The following PLPP1 variants were observed in gnomAD, a reference collection of about 807,000 sequenced individuals.
PLPP1 encodes the protein phospholipid phosphatase 1.
In PLPP1, 24 loss-of-function variants were observed where a neutral mutation model predicts 31.2. That is an observed-to-expected ratio of 0.77 (90% CI 0.56 to 1.08). The LOEUF is 1.08. Ranked by LOEUF, PLPP1 falls within the 50% of genes least tolerant of loss-of-function variation. PLPP1 has a pLI of 0.00. For synonymous variants in PLPP1, 146 were observed against 126.3 expected (o/e 1.16, Z -1.05); for missense variants, 319 against 342.7 (o/e 0.93, Z 0.55).
intron 2 of PLPP1, 43 bp downstream of exon 2, chr5:55,475,256 A>C (rs1267433069): frequency 2.0e-6 from 3 of 1,538,302 alleles, no homozygotes; most frequent in Non-Finnish European, 2.6e-6. Context: ...AATTAAGCCA[A>C]GTGCCCAAAA....
chr5:55,498,509 ACATGCCCTG>A (rs1753050507), intron 1 of PLPP1, among the ~76,000 whole-genome samples: 1 of 152,202 alleles, frequency 6.6e-6, no homozygotes, highest in Admixed American at 6.6e-5. Context: ...CCACCTAATA[ACATGCCCTG>A]CATAATCTTG....
At chr5:55,504,601 G>T (rs1210528867) in intron 1 of PLPP1, among the ~76,000 whole-genome samples, 6 of 149,866 alleles carry the variant, frequency 4.0e-5, no homozygotes, top group African/African-American at 7.4e-5. Flanking sequence ...TTGTTGCCAT[G>T]CAGGGCAACA....
At chr5:55,510,016 G>A (rs955277601) in intron 1 of PLPP1, among the ~76,000 whole-genome samples, 2 of 152,204 alleles carry the variant, frequency 1.3e-5, no homozygotes, top group African/African-American at 4.8e-5. Context: ...GGGAGAGACA[G>A]CTGATTTTTT....
chr5:55,446,550 G>A (rs759289305), intron 3 of PLPP1, among the ~76,000 whole-genome samples: 1 of 151,996 alleles, frequency 6.6e-6, no homozygotes, highest in Non-Finnish European at 1.5e-5. Context: ...ACTGTCTCAG[G>A]GTAGCTTGTT....
In PLPP1 at chr5:55,475,376, T is replaced by C. The variant is rs1267691645; in HGVS notation, c.133A>G (p.Ile45Val). The change falls in exon 2 of 6, where the codon ATC (isoleucine) becomes GTC (valine). Residue 45 changes from isoleucine to valine, a missense_variant. Physicochemically the swap from Ile to Val is conservative, Grantham distance 29 (BLOSUM62 3). Transcript: ENST00000307259. ...QRGVFCNDES[I>V]KYPYKEDTIP... is the part of the protein sequence containing the mutation. ...GTGTCTTCTTTGTAAGGGTACTTGA[T>C]GGACTCATCATTACAGAATACTCCT... 2.5e-6 allele frequency: 4 copies of C among 1,612,382 alleles called. No homozygotes were observed. The highest frequency in any genetic ancestry group is 2.5e-6 in the Non-Finnish European group (3 of 1,178,730).
At chr5:55,449,495 G>A (rs767517954) in intron 3 of PLPP1, among the ~76,000 whole-genome samples, 1 of 152,074 alleles carries the variant, frequency 6.6e-6, no homozygotes, top group Non-Finnish European at 1.5e-5. Flanking sequence ...AGAGTTTCTT[G>A]GCTAAAAGTG....
At chr5:55,445,963 A>C (rs1751756170) in intron 3 of PLPP1, among the ~76,000 whole-genome samples, 9 of 152,138 alleles carry the variant, frequency 5.9e-5, no homozygotes, top group Admixed American at 5.9e-4. Context: ...TGCTGTTAAA[A>C]TATAAGCCAT....
At chr5:55,444,741 T>TGTGTGTGTGTGTGTGTGTGTGTGTGTG (rs1554037408) in intron 3 of PLPP1, among the ~76,000 whole-genome samples, 1 of 6,956 alleles carries the variant, frequency 1.4e-4, no homozygotes, top group Non-Finnish European at 6.3e-4. Context: ...TGGGATTCTA[T>TGTGTGTGTGTGTGTGTGTGTGTGTGTG]TTTGTGTGTG....
At chr5:55,507,820 T>C (rs1048622860) in intron 1 of PLPP1, among the ~76,000 whole-genome samples, 9 of 151,840 alleles carry the variant, frequency 5.9e-5, no homozygotes, top group African/African-American at 2.2e-4. Flanking sequence ...CTGATGATTT[T>C]TTTAGTCCAC....
chr5:55,425,283 T>C lies in PLPP1; in HGVS notation c.778A>G (p.Lys260Glu), dbSNP rs577255506. 7 of 1,611,806 alleles carry C rather than the reference T, an allele frequency of 4.3e-6. No homozygotes were observed. The East Asian group carries it at 1.3e-4, about 31-fold the overall frequency. The change falls in exon 6 of 6, where the codon AAA (lysine) becomes GAA (glutamate). Residue 260 changes from lysine to glutamate, a missense_variant. Transcript: ENST00000307259. ...AGAGTTGTATGAGAGTCCTCCTCTT[T>C]TCTTTCTTTAAAAGAAGTTCTTTCT... ...FKERTSFKERKEEDSHTTLHE... is the reference protein window; with the variant it reads ...FKERTSFKEREEEDSHTTLHE...
chr5:55,498,118 G>A (rs1753041943), intron 1 of PLPP1, among the ~76,000 whole-genome samples: 1 of 152,004 alleles, frequency 6.6e-6, no homozygotes, highest in Non-Finnish European at 1.5e-5. Flanking sequence ...TTAACAAAGG[G>A]GCTATTTATA....
At chr5:55,425,513 A>G (rs1751159410) in intron 5 of PLPP1, 179 bp from the exon 6 acceptor site, 1 of 583,312 alleles carries the variant, frequency 1.7e-6, no homozygotes, top group Non-Finnish European at 2.7e-6. Context: ...CCAAATTAAG[A>G]GTTGCTTTGT....
intron 4 of PLPP1, among the ~76,000 whole-genome samples, chr5:55,428,915 G>A (rs184038980): frequency 2.2e-4 from 33 of 152,130 alleles, no homozygotes; most frequent in East Asian, 9.7e-4. Context: ...AGACAGGCTC[G>A]GCAGCAACAT....
At chr5:55,523,455 T>C (rs1753716934) in intron 1 of PLPP1, among the ~76,000 whole-genome samples, 1 of 152,130 alleles carries the variant, frequency 6.6e-6, no homozygotes, top group Admixed American at 6.5e-5. Context: ...CACTTCCCAA[T>C]TCCTGACTAT....
In PLPP1 at chr5:55,475,381, T is replaced by G. The variant is rs1389520097; in HGVS notation, c.128A>C (p.Glu43Ala). The stretch of plus-strand genomic sequence containing the variant: ...TTCTTTGTAAGGGTACTTGATGGAC[T>G]CATCATTACAGAATACTCCTCGTTG... ...PFQRGVFCNDESIKYPYKEDT... is the reference protein window; with the variant it reads ...PFQRGVFCNDASIKYPYKEDT... Residue 43 changes from glutamate (E) to alanine (A), a missense_variant, in exon 2 of 6, where the codon GAG (glutamate) becomes GCG (alanine). Physicochemically the swap from Glu to Ala is moderately radical, Grantham distance 107. Coordinates refer to ENST00000307259, the MANE Select transcript of PLPP1 (RefSeq NM_003711.4). 1 of 1,612,258 alleles carries G rather than the reference T, an allele frequency of 6.2e-7. No individual in the cohort carries two copies. Among genetic ancestry groups the G allele is most frequent in the Non-Finnish European group, 8.5e-7 (1 of 1,178,636 alleles).
At chr5:55,436,432 CG>C (rs1751494999) in intron 4 of PLPP1, among the ~76,000 whole-genome samples, 1 of 152,194 alleles carries the variant, frequency 6.6e-6, no homozygotes, top group Non-Finnish European at 1.5e-5. Context: ...CCGCCATCCA[CG>C]TAAGATGTAA....
At chr5:55,427,024 A>ACTT (rs1751216751) in intron 4 of PLPP1, among the ~76,000 whole-genome samples, 1 of 151,796 alleles carries the variant, frequency 6.6e-6, no homozygotes, top group Admixed American at 6.6e-5. Flanking sequence ...TCTGCCTTTG[A>ACTT]CTTTGGGTGC....
At position 55,503,806 on chromosome 5, in the gene PLPP1, G is replaced by C. The variant is rs544317303; in HGVS notation, c.59-28356C>G. Reference sequence around the variant, plus strand: ...CGAAGGAGAGGAAGGGGAGGAAGGGGAGGAAGGGGAGGGGAGGGAAGAGGG... The same window carrying C: ...CGAAGGAGAGGAAGGGGAGGAAGGGCAGGAAGGGGAGGGGAGGGAAGAGGG... On this transcript the variant is annotated intron_variant, in intron 1 of 5. Coordinates refer to ENST00000307259, the MANE Select transcript of PLPP1 (RefSeq NM_003711.4). 3.2e-5 allele frequency among the ~76,000 whole-genome samples: 4 copies of C among 126,466 alleles called. No individual in the cohort carries two copies. The South Asian group carries it at 1.3e-3, about 40-fold the overall frequency. The allele number at this position is 126,466 out of a possible 152,430, so 83.0% of individuals were successfully genotyped here. A position where few individuals can be genotyped will look rare whatever the true frequency, so the allele number is the denominator to read the frequency against.
chr5:55,497,632 T>C (rs570324093), intron 1 of PLPP1, among the ~76,000 whole-genome samples: 35 of 152,066 alleles, frequency 2.3e-4, no homozygotes, highest in African/African-American at 8.2e-4. Flanking sequence ...TGACTGACAT[T>C]TAGGTTTGGG....
Sources: gnomAD v4.1 joint callset for allele counts (sites outside exome capture counted in the v4.1 genomes callset) on GRCh38, gnomAD v4.1.1 for gene constraint, MANE v1.5 for transcripts, NCBI Gene and HGNC (gene_info 2026-07-23, HGNC 2026-07-21) for gene names.